Variants in USP40 observed in about 807,000 individuals in gnomAD.
USP40 encodes the protein ubiquitin specific peptidase 40, also known as ubiquitin carboxyl-terminal hydrolase 40.
USP40 carries 143 observed loss-of-function variants against 166.2 expected under a neutral mutation model. The ratio of observed to expected loss-of-function variants is 0.86; its 90% confidence interval spans 0.75 to 0.99. USP40 has a LOEUF of 0.99. Ranked by LOEUF, USP40 falls within the 50% of genes least tolerant of loss-of-function variation. The probability of loss-of-function intolerance (pLI) is 0.00; values close to 1 mark genes in which losing one functional copy is unlikely to be tolerated. For missense variants in USP40, 1,444 were observed against 1,479.7 expected (o/e 0.98, Z 0.40); for synonymous variants, 498 against 524.0 (o/e 0.95, Z 0.68).
rs780399144 is a variant in USP40, at chr2:233,559,915, T to A, written c.277A>T (p.Ile93Phe). The change falls in exon 4 of 32, where the codon ATC becomes TTC. Residue 93 changes from isoleucine (I) to phenylalanine (F), a missense_variant. By Grantham distance (21) the Ile-to-Phe change is conservative (BLOSUM62 0). Coordinates refer to ENST00000678225, the MANE Select transcript of USP40 (RefSeq NM_001365479.2). ...AACAAGCGCTGTAACTGTAAAGGGA[T>A]GATTCGAACCTGAATGAGAAACAAA... ...KDKPDAKVRIIPLQLQRLFAQ... is the reference protein window; with the variant it reads ...KDKPDAKVRIFPLQLQRLFAQ... 3.1e-5 allele frequency: 50 copies of A among 1,603,830 alleles called. 3 individuals carry two copies. In the South Asian group the frequency reaches 5.5e-4, roughly 18 times the overall value.
At chr2:233,544,240 A>G (rs2069690128) in intron 8 of USP40, among the ~76,000 whole-genome samples, 1 of 152,174 alleles carries the variant, frequency 6.6e-6, no homozygotes, top group Admixed American at 6.5e-5. Context: ...AGCCAGATGG[A>G]GACAGACATA....
intron 20 of USP40, 27 bp from the exon 21 acceptor site, chr2:233,510,162 C>T (rs2066707787): frequency 6.7e-7 from 1 of 1,497,274 alleles, no homozygotes; most frequent in Non-Finnish European, 9.2e-7. Context: ...TGTGTAAATG[C>T]AATTTAATCT....
chr2:233,523,518 A>C, intron 15 of USP40, 29 bp from the exon 16 acceptor site: 1 of 1,583,224 alleles, frequency 6.3e-7, no homozygotes, highest in Non-Finnish European at 8.6e-7. Context: ...AACCATTAGT[A>C]CAGCTGATAT....
At chr2:233,496,688 G>A (rs1252743887) in intron 24 of USP40, 70 bp downstream of exon 24, 2 of 1,328,942 alleles carry the variant, frequency 1.5e-6, no homozygotes, top group Non-Finnish European at 2.1e-6. Context: ...CCCTAAATGA[G>A]GCTGTATCAT....
At chr2:233,515,175 T>C (rs544527509) in intron 18 of USP40, among the ~76,000 whole-genome samples, 1 of 152,356 alleles carries the variant, frequency 6.6e-6, no homozygotes, top group East Asian at 1.9e-4. Context: ...GGCTTTAGGA[T>C]TGCTTCCAGT....
At chr2:233,499,797 T>C (rs183026127) in intron 22 of USP40, 82 bp downstream of exon 22, 36 of 1,272,864 alleles carry the variant, frequency 2.8e-5, no homozygotes, top group Non-Finnish European at 2.2e-6. Flanking sequence ...AATTTTTTTT[T>C]CCTACAACCC....
Position 233,485,542 on chromosome 2 carries a change from T to G in USP40, c.3493A>C (p.Ile1165Leu), listed in dbSNP as rs768343810. The change falls in exon 30 of 32, where the codon ATT (isoleucine) becomes CTT (leucine). Residue 1165 changes from isoleucine to leucine, a missense_variant. By Grantham distance (5) the Ile-to-Leu change is conservative. Transcript: ENST00000678225. ...APYYLKDGDT[I>L]GVKNLLIDDD... ...GTTAAACAACTTACCTTAACACCAA[T>G]AGTATCTCCGTCTTTCAAGTAATAC... The G allele has an allele frequency of 1.2e-6, 2 of 1,613,774 alleles. No homozygotes were observed. Among genetic ancestry groups the G allele is most frequent in the South Asian group, 1.1e-5 (1 of 91,042 alleles).
At chr2:233,553,333 A>C (rs2070754849) in intron 6 of USP40, among the ~76,000 whole-genome samples, 1 of 152,224 alleles carries the variant, frequency 6.6e-6, no homozygotes, top group African/African-American at 2.4e-5. Context: ...GGCTGCTAGA[A>C]GATAAAATGG....
At chr2:233,554,024 G>GA (rs2070823171) in intron 6 of USP40, among the ~76,000 whole-genome samples, 1 of 152,090 alleles carries the variant, frequency 6.6e-6, no homozygotes, top group African/African-American at 2.4e-5. Context: ...AGAAAATGAA[G>GA]ACAGCCATCT....
rs550624996 is a variant in USP40, at chr2:233,513,305, TGTGTA to T, written c.2384-688_2384-684del. 2.5e-3 allele frequency among the ~76,000 whole-genome samples: 386 copies of T among 152,320 alleles called. 2 individuals are homozygous for T. The highest frequency in any genetic ancestry group is 8.3e-3 in the African/African-American group (344 of 41,560). The stretch of plus-strand genomic sequence containing the variant: ...ATAACTCCATATACTTTTGTTTCTT[TGTGTA>T]CTTTCTTCTCTGTTGGTCAATTCCC... On this transcript the variant is annotated intron_variant, in intron 18 of 31. Transcript: ENST00000678225.
At chr2:233,540,242 GC>G (rs1366214258) in intron 10 of USP40, among the ~76,000 whole-genome samples, 1 of 151,808 alleles carries the variant, frequency 6.6e-6, no homozygotes, top group Non-Finnish European at 1.5e-5. Flanking sequence ...ATGGAACATA[GC>G]TTCAGGTTCT....
chr2:233,524,685 T>C lies in USP40; in HGVS notation c.1811-123A>G. On this transcript the variant is annotated intron_variant, in intron 14 of 31. Coordinates refer to ENST00000678225, the MANE Select transcript of USP40 (RefSeq NM_001365479.2). The stretch of plus-strand genomic sequence containing the variant: ...TCACTAAGGAAAATTTAAAAAGTAG[T>C]AATTATTTTTATTCTATTGACATTA... 5 of 651,210 alleles carry C rather than the reference T, an allele frequency of 7.7e-6. No individual in the cohort carries two copies. In the South Asian group the frequency reaches 1.5e-4, roughly 19 times the overall value. 40.3% of individuals were successfully genotyped at this position (651,210 alleles called of 1,614,324 possible).
At chr2:233,482,596 T>G (rs1169910239) in intron 30 of USP40, among the ~76,000 whole-genome samples, 1 of 130,660 alleles carries the variant, frequency 7.7e-6, no homozygotes, top group Non-Finnish European at 1.6e-5. Context: ...TTTTTTTTTG[T>G]TTTTTTTTTT....
intron 31 of USP40, 86 bp downstream of exon 31, chr2:233,481,117 C>T (rs150937363): frequency 3.3e-5 from 43 of 1,291,688 alleles, no homozygotes; most frequent in South Asian, 9.5e-5. Flanking sequence ...CAAGAGTTTC[C>T]GGTCCCTCTC....
Position 233,566,777 on chromosome 2 carries a change from G to A in USP40, c.-113C>T. ...CCATGTTGGCGAGGGCGGGTCTCCA[G>A]AAAGTGATTTATGGATCGTGGACTA... On this transcript the variant is annotated 5_prime_UTR_variant, in exon 1 of 32. Coordinates refer to ENST00000678225, the MANE Select transcript of USP40 (RefSeq NM_001365479.2). 1 of 985,904 alleles carries A rather than the reference G, an allele frequency of 1.0e-6. No individual in the cohort carries two copies. Among genetic ancestry groups the A allele is most frequent in the Non-Finnish European group, 1.2e-6 (1 of 829,940 alleles). The allele number at this position is 985,904 out of a possible 1,614,324, so 61.1% of individuals were successfully genotyped here. A position where few individuals can be genotyped will look rare whatever the true frequency, so the allele number is the denominator to read the frequency against.
intron 21 of USP40, among the ~76,000 whole-genome samples, chr2:233,505,083 G>A (rs80251782): frequency 0.01 from 1,555 of 152,058 alleles, 27 homozygotes; most frequent in African/African-American, 0.035. Context: ...AATTAAACAC[G>A]CTTCCAAAGA....
intron 13 of USP40, among the ~76,000 whole-genome samples, chr2:233,526,153 C>A (rs1300991279): frequency 6.6e-6 from 1 of 152,122 alleles, no homozygotes; most frequent in Non-Finnish European, 1.5e-5. Context: ...TCTACAATAC[C>A]ATAAGGTATT....
In USP40 at chr2:233,525,497, G is replaced by C. The variant is rs370006783; in HGVS notation, c.1791C>G (p.His597Gln). The C allele has an allele frequency of 1.2e-6, 2 of 1,612,762 alleles. No homozygotes were observed. The highest frequency in any genetic ancestry group is 1.7e-6 in the Non-Finnish European group (2 of 1,179,218). Residue 597 changes from histidine (H) to glutamine (Q), a missense_variant, in exon 14 of 32, where the codon CAC becomes CAG. Physicochemically the swap from His to Gln is conservative, Grantham distance 24. Coordinates refer to ENST00000678225, the MANE Select transcript of USP40 (RefSeq NM_001365479.2). ...SVAKLVPAGL[H>Q]IYQSLGGDEL... ...TCTTACCGCCAAGTGACTGGTAAAT[G>C]TGAAGTCCTGCTGGTACAAGCTTTG...
In USP40 at chr2:233,492,112, T is replaced by C. The variant is rs114342447; in HGVS notation, c.2918-851A>G. On this transcript the variant is annotated intron_variant, in intron 25 of 31. Coordinates refer to ENST00000678225, the MANE Select transcript of USP40 (RefSeq NM_001365479.2). ...ATTTGGTCAAAGACCACACATGTGA[T>C]GTGATCCTATAAGATTATAATACTG... is the stretch of plus-strand genomic sequence containing the variant. 3.2e-3 allele frequency among the ~76,000 whole-genome samples: 485 copies of C among 152,378 alleles called. 3 individuals carry two copies. The highest frequency in any genetic ancestry group is 0.011 in the African/African-American group (463 of 41,594).
Sources: allele counts gnomAD v4.1 joint callset (sites outside exome capture counted in the v4.1 genomes callset), GRCh38; gene constraint gnomAD v4.1.1; transcripts MANE v1.5; gene names NCBI Gene and HGNC (gene_info 2026-07-23, HGNC 2026-07-21).